ROR2: variants seen among roughly 807,000 people sequenced by gnomAD.
ROR2 encodes the protein tyrosine-protein kinase transmembrane receptor ROR2.
In ROR2, 33 loss-of-function variants were observed where a neutral mutation model predicts 74.9. The observed-to-expected ratio is 0.44, with a 90% CI of 0.33 to 0.59. The LOEUF is 0.59. ROR2 is among the 20% of genes least tolerant of loss of function. The probability of loss-of-function intolerance (pLI) is 0.02; values close to 1 mark genes in which losing one functional copy is unlikely to be tolerated. For missense variants in ROR2, 1,216 were observed against 1,313.8 expected, an observed-to-expected ratio of 0.93 and a Z score of 1.15; for synonymous variants, 586 against 558.7, an observed-to-expected ratio of 1.05 and a Z score of -0.69.
At chr9:91,741,868 A>G (rs1241305861) in intron 4 of ROR2, among the ~76,000 whole-genome samples, 1 of 152,236 alleles carries the variant, frequency 6.6e-6, no homozygotes, top group Non-Finnish European at 1.5e-5. Context: ...TTTACTTTGA[A>G]TGCAAAACCT....
At chr9:91,773,435 G>A (rs973985576) in intron 2 of ROR2, among the ~76,000 whole-genome samples, 4 of 151,936 alleles carry the variant, frequency 2.6e-5, no homozygotes, top group Admixed American at 2.0e-4. Context: ...CTCAACAACC[G>A]ACAATCAAAC....
Position 91,723,587 on chromosome 9 carries a change from C to T in ROR2, c.*75G>A. On this transcript the variant is annotated 3_prime_UTR_variant, in exon 9 of 9. Transcript: ENST00000375708. ...CTCTTGTGATTGCTGAGTATGGTGTCTTCTCAAAGGTGACTGAGGTCCCTG... is the reference window on the plus strand; with the variant it reads ...CTCTTGTGATTGCTGAGTATGGTGTTTTCTCAAAGGTGACTGAGGTCCCTG... 6.3e-7 allele frequency: 1 copy of T among 1,574,896 alleles called. No individual in the cohort carries two copies. The highest frequency in any genetic ancestry group is 1.4e-5 in the African/African-American group (1 of 73,956).
intron 1 of ROR2, among the ~76,000 whole-genome samples, chr9:91,867,126 C>A (rs1829657956): frequency 6.6e-6 from 1 of 152,202 alleles, no homozygotes; most frequent in Non-Finnish European, 1.5e-5. Flanking sequence ...GACTCCTTAG[C>A]ATCTCCAGGT....
intron 1 of ROR2, among the ~76,000 whole-genome samples, chr9:91,927,640 T>G (rs1386837839): frequency 4.8e-5 from 7 of 147,084 alleles, no homozygotes; most frequent in Admixed American, 3.5e-4. Flanking sequence ...GTCAGCTCAC[T>G]GCAACCTCCA....
intron 4 of ROR2, among the ~76,000 whole-genome samples, chr9:91,751,617 A>G (rs1480832499): frequency 1.3e-5 from 2 of 152,216 alleles, no homozygotes; most frequent in Non-Finnish European, 2.9e-5. Context: ...GCAAATCCAG[A>G]TTGAGTGTGG....
intron 1 of ROR2, among the ~76,000 whole-genome samples, chr9:91,785,590 C>T (rs375285094): frequency 1.3e-5 from 2 of 152,224 alleles, no homozygotes; most frequent in African/African-American, 4.8e-5. Context: ...TCATTTTGCA[C>T]GAGGAGTCTC....
intron 1 of ROR2, among the ~76,000 whole-genome samples, chr9:91,929,584 C>T (rs1251667892): frequency 1.3e-5 from 2 of 152,290 alleles, no homozygotes; most frequent in East Asian, 3.9e-4. Context: ...CCTCTGGTCC[C>T]CACGGGCATT....
intron 7 of ROR2, among the ~76,000 whole-genome samples, chr9:91,729,637 C>T (rs922107744): frequency 3.3e-5 from 5 of 152,190 alleles, no homozygotes; most frequent in Admixed American, 2.0e-4. Context: ...TCTTTATCCG[C>T]GGGTGCCCAC....
intron 2 of ROR2, among the ~76,000 whole-genome samples, chr9:91,764,559 TACACACACACACAC>T (rs11405599): frequency 4.7e-5 from 7 of 147,696 alleles, no homozygotes; most frequent in South Asian, 2.2e-4. Flanking sequence ...TATAATCACT[TACACACACACACAC>T]ACACACACAC....
intron 4 of ROR2, among the ~76,000 whole-genome samples, chr9:91,740,570 A>ATATATG (rs1446863766): frequency 6.7e-6 from 1 of 149,612 alleles, no homozygotes; most frequent in Non-Finnish European, 1.5e-5. Context: ...GGGGGAATAT[A>ATATATG]TATATGTATA....
At position 91,722,734 on chromosome 9, in the gene ROR2, C is replaced by A. The variant is rs887485241; in HGVS notation, c.*928G>T. The A allele has an allele frequency of 1.5e-6, 1 of 680,240 alleles. No individual in the cohort carries two copies. Among genetic ancestry groups the A allele is most frequent in the Non-Finnish European group, 2.7e-6 (1 of 369,080 alleles). 42.1% of individuals were successfully genotyped at this position (680,240 alleles called of 1,614,324 possible). ...GTAAAATGAATGGACCTCATGTGCA[C>A]GTGGTACAGAGAGAAGCAAACCAAG... On this transcript the variant is annotated 3_prime_UTR_variant, in exon 9 of 9. Coordinates refer to ENST00000375708, the MANE Select transcript of ROR2 (RefSeq NM_004560.4).
intron 1 of ROR2, among the ~76,000 whole-genome samples, chr9:91,944,421 G>A (rs950132838): frequency 6.6e-6 from 1 of 152,130 alleles, no homozygotes; most frequent in African/African-American, 2.4e-5. Context: ...TGTAAAGGAA[G>A]AAGTAAAATT....
intron 1 of ROR2, among the ~76,000 whole-genome samples, chr9:91,781,604 A>G (rs1826621243): frequency 6.6e-6 from 1 of 152,198 alleles, no homozygotes; most frequent in Non-Finnish European, 1.5e-5. Flanking sequence ...CTGTGTTTCA[A>G]TTGCAGCTAG....
intron 1 of ROR2, 84 bp from the exon 2 acceptor site, chr9:91,775,902 A>G (rs1451674980): frequency 8.8e-7 from 1 of 1,140,018 alleles, no homozygotes; most frequent in Non-Finnish European, 1.3e-6. Flanking sequence ...AGACAACAGC[A>G]TTCTAGCAAA....
At chr9:91,762,683 T>G (rs967470497) in intron 2 of ROR2, among the ~76,000 whole-genome samples, 1 of 152,226 alleles carries the variant, frequency 6.6e-6, no homozygotes, top group African/African-American at 2.4e-5. Flanking sequence ...CATATTTATA[T>G]TATTTTATGC....
intron 1 of ROR2, among the ~76,000 whole-genome samples, chr9:91,795,873 G>A (rs930495866): frequency 6.6e-6 from 1 of 152,176 alleles, no homozygotes; most frequent in South Asian, 2.1e-4. Flanking sequence ...TGTACATACA[G>A]GTGGGACAGC....
chr9:91,850,541 G>C (rs534526263), intron 1 of ROR2, among the ~76,000 whole-genome samples: 95 of 152,302 alleles, frequency 6.2e-4, no homozygotes, highest in African/African-American at 2.1e-3. Flanking sequence ...TGGACAAGGG[G>C]CCATGAACCC....
At chr9:91,744,189 T>C (rs1825332334) in intron 4 of ROR2, among the ~76,000 whole-genome samples, 1 of 147,702 alleles carries the variant, frequency 6.8e-6, no homozygotes, top group Non-Finnish European at 1.5e-5. Context: ...GGCGCACAGT[T>C]GACCCTCCAC....
chr9:91,828,838 T>A (rs1002292846), intron 1 of ROR2, among the ~76,000 whole-genome samples: 4 of 152,250 alleles, frequency 2.6e-5, no homozygotes, highest in African/African-American at 9.6e-5. Context: ...CTGAGCAACC[T>A]CATACAAGGC....
Sources: gnomAD v4.1 joint callset for allele counts (sites outside exome capture counted in the v4.1 genomes callset) on GRCh38, gnomAD v4.1.1 for gene constraint, MANE v1.5 for transcripts, NCBI Gene and HGNC (gene_info 2026-07-23, HGNC 2026-07-21) for gene names.